MCTP1: variants seen among roughly 807,000 people sequenced by gnomAD.
MCTP1 encodes the protein multiple C2 and transmembrane domain-containing protein 1.
A neutral mutation model predicts 120.6 loss-of-function variants in MCTP1; 69 were observed. That is an observed-to-expected ratio of 0.57 (90% CI 0.47 to 0.70). The LOEUF is 0.70. Among genes scored for constraint, MCTP1 ranks in the 30% least tolerant of loss-of-function variants. MCTP1 has a pLI of 0.00. For missense variants in MCTP1, 1,203 were observed against 1,248.8 expected (o/e 0.96, Z 0.55); for synonymous variants, 529 against 493.1 (o/e 1.07, Z -0.96).
chr5:94,798,901 G>T, intron 18 of MCTP1, 112 bp downstream of exon 18: 4 of 1,119,918 alleles, frequency 3.6e-6, no homozygotes, highest in Non-Finnish European at 5.0e-6. Flanking sequence ...CTCTAAACTT[G>T]AGTATTTATA....
intron 17 of MCTP1, among the ~76,000 whole-genome samples, chr5:94,841,470 A>T (rs1791037194): frequency 6.6e-6 from 1 of 152,140 alleles, no homozygotes; most frequent in Non-Finnish European, 1.5e-5. Context: ...CTGTGGAATT[A>T]TATTCAGAAT....
intron 1 of MCTP1, among the ~76,000 whole-genome samples, chr5:95,063,633 T>C (rs1749839938): frequency 6.6e-6 from 1 of 152,208 alleles, no homozygotes; most frequent in Non-Finnish European, 1.5e-5. Context: ...TCTTATTCTA[T>C]CATCTAGGCT....
In MCTP1 at chr5:94,942,336, T is replaced by C; in HGVS notation, c.1061+12A>G. On this transcript the variant is annotated intron_variant, in intron 4 of 22. Transcript: ENST00000515393. ...ACAAGGGGTGGTGATATTACAGCAG[T>C]TCAAAAGTTACCTGTTTAACTCCAA... The C allele has an allele frequency of 1.2e-6, 2 of 1,605,800 alleles. No homozygotes were observed. The highest frequency in any genetic ancestry group is 1.7e-6 in the Non-Finnish European group (2 of 1,173,534).
chr5:94,985,236 A>C (rs1830239374), intron 2 of MCTP1, among the ~76,000 whole-genome samples: 1 of 152,190 alleles, frequency 6.6e-6, no homozygotes, highest in South Asian at 2.1e-4. Context: ...CTTTCTTTGG[A>C]GACAGGCCAG....
At chr5:95,227,982 ATACT>A (rs1754473003) in intron 1 of MCTP1, among the ~76,000 whole-genome samples, 1 of 152,182 alleles carries the variant, frequency 6.6e-6, no homozygotes, top group African/African-American at 2.4e-5. Flanking sequence ...ATACATTAAA[ATACT>A]TAAATTATAC....
At chr5:94,961,016 C>A (rs1046707748) in intron 2 of MCTP1, among the ~76,000 whole-genome samples, 1 of 152,060 alleles carries the variant, frequency 6.6e-6, no homozygotes, top group Non-Finnish European at 1.5e-5. Flanking sequence ...AGACTTAGAA[C>A]CAACCCAAAT....
intron 17 of MCTP1, among the ~76,000 whole-genome samples, chr5:94,846,146 A>G (rs375978542): frequency 3.2e-4 from 49 of 152,300 alleles, no homozygotes; most frequent in African/African-American, 1.1e-3. Context: ...TAATCCCACT[A>G]TTGGGTATAT....
intron 1 of MCTP1, among the ~76,000 whole-genome samples, chr5:95,203,182 C>T (rs573981102): frequency 1.2e-4 from 18 of 152,312 alleles, no homozygotes; most frequent in African/African-American, 4.3e-4. Context: ...CCATTTTGAT[C>T]AGTCTGTGCC....
chr5:95,108,404 A>G (rs1163889150), intron 1 of MCTP1, among the ~76,000 whole-genome samples: 1 of 152,082 alleles, frequency 6.6e-6, no homozygotes, highest in Non-Finnish European at 1.5e-5. Context: ...GCAACCTCAC[A>G]AAGTAATGAA....
chr5:95,083,794 C>G (rs146638220), intron 1 of MCTP1, among the ~76,000 whole-genome samples: 1 of 152,258 alleles, frequency 6.6e-6, no homozygotes, highest in East Asian at 1.9e-4. Context: ...GATGAATATA[C>G]TGGAATGTTC....
chr5:94,835,195 A>AT (rs1460578066), intron 17 of MCTP1, among the ~76,000 whole-genome samples: 1 of 152,154 alleles, frequency 6.6e-6, no homozygotes, highest in Non-Finnish European at 1.5e-5. Flanking sequence ...TGGGGAAGGG[A>AT]TTTTGAAAGG....
At chr5:94,799,349 A>G (rs988216827) in intron 17 of MCTP1, among the ~76,000 whole-genome samples, 1 of 152,194 alleles carries the variant, frequency 6.6e-6, no homozygotes, top group African/African-American at 2.4e-5. Context: ...TTTAATTTCT[A>G]TGAAGGAAAA....
chr5:95,181,178 A>G (rs1748553213), intron 1 of MCTP1, among the ~76,000 whole-genome samples: 1 of 152,206 alleles, frequency 6.6e-6, no homozygotes, highest in Non-Finnish European at 1.5e-5. Context: ...CACTCCTCTG[A>G]TTAAAACTGT....
chr5:94,913,938 G>A (rs1397973505), intron 8 of MCTP1, among the ~76,000 whole-genome samples: 1 of 152,020 alleles, frequency 6.6e-6, no homozygotes, highest in African/African-American at 2.4e-5. Context: ...GCAGTGGCAT[G>A]ATCATAGCTC....
intron 1 of MCTP1, among the ~76,000 whole-genome samples, chr5:95,180,995 T>C (rs923798004): frequency 6.6e-6 from 1 of 152,166 alleles, no homozygotes; most frequent in African/African-American, 2.4e-5. Flanking sequence ...TTAAACCCTA[T>C]TGCTAAAACC....
intron 2 of MCTP1, among the ~76,000 whole-genome samples, chr5:95,007,854 C>A (rs1835080327): frequency 6.6e-6 from 1 of 152,158 alleles, no homozygotes; most frequent in African/African-American, 2.4e-5. Flanking sequence ...TTAGCAATAA[C>A]ACATCAGACT....
intron 17 of MCTP1, among the ~76,000 whole-genome samples, chr5:94,860,620 A>T (rs1795598151): frequency 6.6e-6 from 1 of 151,736 alleles, no homozygotes; most frequent in Non-Finnish European, 1.5e-5. Flanking sequence ...AGAAAATCCA[A>T]ACTAAACTTT....
At chr5:95,115,399 T>C (rs188263754) in intron 1 of MCTP1, among the ~76,000 whole-genome samples, 64 of 152,126 alleles carry the variant, frequency 4.2e-4, no homozygotes, top group Admixed American at 1.0e-3. Flanking sequence ...AAGAAGGAAT[T>C]CAGAATTCTA....
chr5:95,223,144 C>T (rs772996463), intron 1 of MCTP1, among the ~76,000 whole-genome samples: 18 of 152,264 alleles, frequency 1.2e-4, no homozygotes, highest in Non-Finnish European at 2.5e-4. Context: ...AAAACACCCT[C>T]CAAGTTGACA....
Sources: gnomAD v4.1 joint callset for allele counts (sites outside exome capture counted in the v4.1 genomes callset) on GRCh38, gnomAD v4.1.1 for gene constraint, MANE v1.5 for transcripts, NCBI Gene and HGNC (gene_info 2026-07-23, HGNC 2026-07-21) for gene names.